HDLBP: variants seen among roughly 807,000 people sequenced by gnomAD.
HDLBP encodes the protein high density lipoprotein binding protein, also known as vigilin.
A neutral mutation model predicts 137.3 loss-of-function variants in HDLBP; 30 were observed. The ratio of observed to expected loss-of-function variants is 0.22; its 90% confidence interval spans 0.16 to 0.30. HDLBP has a LOEUF of 0.30. HDLBP is among the 10% of genes least tolerant of loss of function. The pLI, the probability that HDLBP is intolerant of heterozygous loss-of-function variation, is 1.00. For synonymous variants in HDLBP, 606 were observed against 596.0 expected (o/e 1.02, Z -0.24); for missense variants, 1,119 against 1,667.3 (o/e 0.67, Z 5.73).
intron 23 of HDLBP, 94 bp from the exon 24 acceptor site, chr2:241,234,057 T>A: frequency 7.2e-7 from 1 of 1,389,982 alleles, no homozygotes; most frequent in East Asian, 2.3e-5. Flanking sequence ...ACACTGGAGA[T>A]GCTGCAGTGT....
In HDLBP at chr2:241,233,856, C is replaced by T. The variant is rs1374528491; in HGVS notation, c.3252G>A (p.Val1084=). The T allele has an allele frequency of 6.2e-7, 1 of 1,614,214 alleles. No homozygotes were observed. Among genetic ancestry groups the T allele is most frequent in the South Asian group, 1.1e-5 (1 of 91,076 alleles). Residue 1084 remains valine (V), a synonymous_variant, in exon 24 of 28, where the codon GTG becomes GTA. Coordinates refer to ENST00000310931, the MANE Select transcript of HDLBP (RefSeq NM_005336.6). This position sits in a 1 kb window ranked among gnomAD's most constrained non-coding sequence, Gnocchi z 4.3. ...VITQIRLEHD[V]NIQFPDKDDG... ...CGTCCTTATCAGGAAACTGGATGTTCACGTCATGCTCCAACCGGATTTGGG... is the reference window on the plus strand; with the variant it reads ...CGTCCTTATCAGGAAACTGGATGTTTACGTCATGCTCCAACCGGATTTGGG...
chr2:241,254,263 C>A (rs888608547), intron 9 of HDLBP, among the ~76,000 whole-genome samples: 11 of 150,376 alleles, frequency 7.3e-5, no homozygotes, highest in Non-Finnish European at 4.4e-5. Context: ...GGCTTTGTCA[C>A]TAAAAAAAAG....
At chr2:241,314,924 C>G (rs2075969622) in intron 1 of HDLBP, among the ~76,000 whole-genome samples, 1 of 152,150 alleles carries the variant, frequency 6.6e-6, no homozygotes, top group Admixed American at 6.5e-5. Context: ...GAGTCTCGAA[C>G]AGTTGCAGTG....
chr2:241,271,278 T>C (rs972778837), intron 1 of HDLBP, among the ~76,000 whole-genome samples: 1 of 152,232 alleles, frequency 6.6e-6, no homozygotes. Context: ...ATACTGAACC[T>C]GGACTTTTAA....
intron 1 of HDLBP, among the ~76,000 whole-genome samples, chr2:241,284,299 C>T (rs192478796): frequency 7.9e-5 from 12 of 152,288 alleles, no homozygotes; most frequent in South Asian, 2.1e-4. Flanking sequence ...TTCACCATTC[C>T]GGATGCCATG....
intron 1 of HDLBP, among the ~76,000 whole-genome samples, chr2:241,302,465 C>A (rs1344414474): frequency 1.3e-5 from 2 of 152,168 alleles, no homozygotes; most frequent in African/African-American, 2.4e-5. Flanking sequence ...ATTACTTGAG[C>A]TCAGGAGTTA....
chr2:241,284,044 C>A (rs938673916), intron 1 of HDLBP, among the ~76,000 whole-genome samples: 2 of 151,668 alleles, frequency 1.3e-5, no homozygotes, highest in African/African-American at 4.8e-5. Context: ...AAAAAAGATT[C>A]CTTTCAAAAC....
At chr2:241,260,560 T>C (rs1331003363) in intron 5 of HDLBP, among the ~76,000 whole-genome samples, 2 of 152,216 alleles carry the variant, frequency 1.3e-5, no homozygotes, top group African/African-American at 2.4e-5. Context: ...TATCAACTAA[T>C]GTATGAGCAG....
chr2:241,231,235 T>C (rs886119313), intron 24 of HDLBP: 7 of 295,356 alleles, frequency 2.4e-5, no homozygotes, highest in Non-Finnish European at 3.9e-5. Context: ...AAATACAATA[T>C]TAGCCGGGCG....
At chr2:241,257,463 C>A (rs1422404591) in intron 5 of HDLBP, among the ~76,000 whole-genome samples, 1 of 152,168 alleles carries the variant, frequency 6.6e-6, no homozygotes. Flanking sequence ...GAATTCCTGA[C>A]CTTGTGATCC....
At chr2:241,277,922 T>C (rs528395096) in intron 1 of HDLBP, among the ~76,000 whole-genome samples, 1 of 151,936 alleles carries the variant, frequency 6.6e-6, no homozygotes, top group South Asian at 2.1e-4. Flanking sequence ...GACCACGCCA[T>C]TGCACTCCAG....
rs1429900045 is a variant in HDLBP, at chr2:241,228,223, T to G, written c.*1378A>C. On this transcript the variant is annotated 3_prime_UTR_variant, in exon 28 of 28. Coordinates refer to ENST00000310931, the MANE Select transcript of HDLBP (RefSeq NM_005336.6). ...TGGGACAGGACAACTCGCTAGCAGC[T>G]CAGTCACCTCCGTGGCGGACACAGA... 6.6e-6 allele frequency: 1 copy of G among 152,280 alleles called. No individual in the cohort carries two copies. The highest frequency in any genetic ancestry group is 1.5e-5 in the Non-Finnish European group (1 of 68,092). The allele number at this position is 152,280 out of a possible 1,614,324, so 9.4% of individuals were successfully genotyped here.
At chr2:241,300,248 C>T (rs1001329566) in intron 1 of HDLBP, among the ~76,000 whole-genome samples, 3 of 152,272 alleles carry the variant, frequency 2.0e-5, no homozygotes, top group East Asian at 1.9e-4. Flanking sequence ...GGGCGCCCCC[C>T]GGTGCTCCAT....
chr2:241,235,020 C>T (rs763090973), intron 23 of HDLBP, 101 bp downstream of exon 23: 16 of 1,415,302 alleles, frequency 1.1e-5, no homozygotes, highest in African/African-American at 2.8e-5. Context: ...AGCCAGATGT[C>T]GCTGGGATGC....
intron 23 of HDLBP, among the ~76,000 whole-genome samples, 165 bp downstream of exon 23, chr2:241,234,956 C>T (rs1284147041): frequency 6.6e-6 from 1 of 152,248 alleles, no homozygotes; most frequent in Admixed American, 6.5e-5. Context: ...GCTAGTTCCA[C>T]AGCAAGACCC....
chr2:241,239,232 T>C lies in HDLBP; in HGVS notation c.2610+370A>G, dbSNP rs565951447. 2.6e-5 allele frequency among the ~76,000 whole-genome samples: 4 copies of C among 152,338 alleles called. No individual in the cohort carries two copies. The highest frequency in any genetic ancestry group is 2.1e-4 in the South Asian group (1 of 4,828). On this transcript the variant is annotated intron_variant, in intron 19 of 27. Transcript: ENST00000310931. This position sits in a 1 kb window ranked among gnomAD's most constrained non-coding sequence, Gnocchi z 4.6. ...CGTGGATGCCCTCAAATCGATTTTCTTTCCTTCACAGAGGGGAGAAGAGAG... is the reference window on the plus strand; with the variant it reads ...CGTGGATGCCCTCAAATCGATTTTCCTTCCTTCACAGAGGGGAGAAGAGAG...
At chr2:241,271,146 G>A in intron 1 of HDLBP, 1 of 985,182 alleles carries the variant, frequency 1.0e-6, no homozygotes, top group Non-Finnish European at 1.2e-6. Flanking sequence ...CCTATCTCCT[G>A]TCTCCTTCAG....
intron 1 of HDLBP, among the ~76,000 whole-genome samples, chr2:241,309,707 G>A (rs12618809): frequency 0.16 from 24,182 of 152,134 alleles, 2,442 homozygotes; most frequent in East Asian, 0.4. Flanking sequence ...AAAAGGTATC[G>A]CTTTTCTGTC....
chr2:241,255,195 C>A, intron 8 of HDLBP, 37 bp from the exon 9 acceptor site: 1 of 1,590,474 alleles, frequency 6.3e-7, no homozygotes, highest in Non-Finnish European at 8.6e-7. Context: ...GTTTGCAGAG[C>A]TCAAGGTCGT....
Sources: gnomAD v4.1 joint callset for allele counts (sites outside exome capture counted in the v4.1 genomes callset) on GRCh38, gnomAD v4.1.1 for gene constraint, Gnocchi (gnomAD v3.1) non-coding constraint, MANE v1.5 for transcripts, NCBI Gene and HGNC (gene_info 2026-07-23, HGNC 2026-07-21) for gene names.